Variants in SEMA4G observed in about 807,000 individuals in gnomAD.
SEMA4G encodes the protein semaphorin-4G.
In SEMA4G, 59 loss-of-function variants were observed where a neutral mutation model predicts 81.2. The ratio of observed to expected loss-of-function variants is 0.73; its 90% CI spans 0.59 to 0.90. The LOEUF is 0.90. SEMA4G is among the 40% of genes least tolerant of loss of function. SEMA4G has a pLI of 0.00. For missense variants in SEMA4G, 952 were observed against 1,102.3 expected, an observed-to-expected ratio of 0.86 and a Z score of 1.93; for synonymous variants, 404 against 433.9, an observed-to-expected ratio of 0.93 and a Z score of 0.86.
At position 100,983,849 on chromosome 10, in the gene SEMA4G, G is replaced by T. The variant is rs1414869947; in HGVS notation, c.2235G>T (p.Gly745=). The change falls in exon 14 of 14, where the codon GGG becomes GGT. Residue 745 remains glycine (G), a synonymous_variant. Coordinates refer to ENST00000370250, the Ensembl canonical transcript of SEMA4G. ...AGGAAGATGAGGGTGATGATGAGGG[G>T]GCTGGGGGCCTGGAGGGCAGCTGTC... is the stretch of plus-strand genomic sequence containing the variant. 5.0e-6 allele frequency: 8 copies of T among 1,591,268 alleles called. No homozygotes were observed. The South Asian group carries it at 5.7e-5, about 11-fold the overall frequency.
intron 13 of SEMA4G, chr10:100,981,610 C>G: frequency 2.5e-6 from 4 of 1,575,796 alleles, no homozygotes; most frequent in Non-Finnish European, 3.5e-6. Flanking sequence ...GTGCCAGACA[C>G]TGATCTAAAT....
exon 8 of SEMA4G, chr10:100,979,107 C>T (rs1170863177): frequency 6.2e-7 from 1 of 1,613,916 alleles, no homozygotes; most frequent in African/African-American, 1.3e-5. Flanking sequence ...CCCAGGGAGA[C>T]CTGGGAGGGA....
exon 11 of SEMA4G, chr10:100,980,632 A>G (rs962692236): frequency 1.2e-5 from 20 of 1,614,188 alleles, no homozygotes; most frequent in Non-Finnish European, 1.5e-5. Context: ...CACATTATTG[A>G]AGAGACACAA....
chr10:100,976,862 G>A (rs7918869), intron 3 of SEMA4G, among the ~76,000 whole-genome samples: 2,723 of 152,190 alleles, frequency 0.018, 80 homozygotes, highest in African/African-American at 0.059. Flanking sequence ...TTATAAAGTC[G>A]TTTTTATAAA....
exon 14 of SEMA4G, chr10:100,984,274 G>A: frequency 6.9e-7 from 1 of 1,440,638 alleles, no homozygotes; most frequent in Non-Finnish European, 9.1e-7. Context: ...TGTAGGGCTG[G>A]CCAGTCAGGC....
At chr10:100,979,851 G>A in exon 9 of SEMA4G, 3 of 1,613,594 alleles carry the variant, frequency 1.9e-6, no homozygotes, top group South Asian at 2.2e-5. Context: ...ATTCTAGGAA[G>A]ACCCTGGAGG....
exon 14 of SEMA4G, chr10:100,984,239 C>T: frequency 6.9e-7 from 1 of 1,459,792 alleles, no homozygotes; most frequent in East Asian, 2.4e-5. Context: ...CACTCCATAC[C>T]CTTCTCCCAA....
intron 3 of SEMA4G, among the ~76,000 whole-genome samples, chr10:100,974,127 C>T (rs1202244846): frequency 1.3e-5 from 2 of 151,940 alleles, no homozygotes; most frequent in Non-Finnish European, 2.9e-5. Flanking sequence ...TAGTTTGTCC[C>T]GCAGTGGCAT....
At chr10:100,977,685 C>T (rs748069351) in exon 4 of SEMA4G, 12 of 1,614,138 alleles carry the variant, frequency 7.4e-6, no homozygotes, top group Non-Finnish European at 1.0e-5. Flanking sequence ...CTACCCACCT[C>T]TATGCATGTG....
In SEMA4G at chr10:100,973,043, C is replaced by A. The variant is rs773809874; in HGVS notation, c.124+7C>A. ...ATGACCATACCCTATGAAGGTTAGA[C>A]CCTCAACCTCAAAAGGCAGCAGAAG... On this transcript the variant is annotated splice_region_variant and intron_variant, in intron 1 of 13. Transcript: ENST00000370250. This position sits in a 1 kb window ranked among gnomAD's most constrained non-coding sequence, Gnocchi z 5.5. 1.2e-6 allele frequency: 2 copies of A among 1,614,124 alleles called. No homozygotes were observed. Among genetic ancestry groups the A allele is most frequent in the Non-Finnish European group, 1.7e-6 (2 of 1,180,020 alleles).
chr10:100,978,793 G>A lies in SEMA4G; in HGVS notation c.644-56G>A. On this transcript the variant is annotated intron_variant, in intron 6 of 13. Coordinates refer to ENST00000370250, the Ensembl canonical transcript of SEMA4G. The stretch of plus-strand genomic sequence containing the variant: ...TCAAGTGAGGGGTCAGCCTCAGAGT[G>A]AGGGAAAGGAATCCCCAGCCTGTCT... 1.9e-6 allele frequency: 3 copies of A among 1,593,586 alleles called. No homozygotes were observed. The South Asian group carries it at 3.4e-5, about 18-fold the overall frequency.
At chr10:100,981,595 A>C in intron 13 of SEMA4G, 1 of 1,602,668 alleles carries the variant, frequency 6.2e-7, no homozygotes, top group Non-Finnish European at 8.5e-7. Flanking sequence ...TTAAGTATTT[A>C]CTGTGTGCCA....
exon 4 of SEMA4G, chr10:100,977,697 G>C (rs772327550): frequency 6.2e-5 from 100 of 1,613,962 alleles, no homozygotes; most frequent in Non-Finnish European, 8.1e-5. Context: ...ATGCATGTGG[G>C]ACTCACGCCT....
At chr10:100,984,184 T>G (rs1173041083) in exon 14 of SEMA4G, 67 of 1,548,338 alleles carry the variant, frequency 4.3e-5, no homozygotes, top group Non-Finnish European at 5.6e-5. Flanking sequence ...TGTCCCAGGC[T>G]GGGCCACTGC....
rs184499998 is a variant in SEMA4G at position 100,974,822 on chromosome 10, C to T, written c.336+1213C>T. Among the ~76,000 whole-genome samples, 57 of 152,214 alleles carry T rather than the reference C, an allele frequency of 3.7e-4. No homozygotes were observed. The East Asian group carries it at 8.7e-3, about 23-fold the overall frequency. Reference sequence around the variant, plus strand: ...ATCTGGAGAGCTTTTACAAAATAAACGGCCCTGGGCTGGGCATGGTGGGTC... The same window carrying T: ...ATCTGGAGAGCTTTTACAAAATAAATGGCCCTGGGCTGGGCATGGTGGGTC... On this transcript the variant is annotated intron_variant, in intron 3 of 13. Transcript: ENST00000370250.
rs749756476 is a variant in SEMA4G, at chr10:100,981,230, G to A, written c.1690+1G>A. 1 of 1,614,124 alleles carries A rather than the reference G, an allele frequency of 6.2e-7. No homozygotes were observed. Among genetic ancestry groups the A allele is most frequent in the Non-Finnish European group, 8.5e-7 (1 of 1,179,942 alleles). ...GGCTGTGAGAGCAGCAGGGATACAGGTAAGTGACTCATATGAGTGTGGGTC... is the reference window on the plus strand; with the variant it reads ...GGCTGTGAGAGCAGCAGGGATACAGATAAGTGACTCATATGAGTGTGGGTC... On this transcript the variant is annotated splice_donor_variant, in intron 13 of 13. Coordinates refer to ENST00000370250, the Ensembl canonical transcript of SEMA4G. LOFTEE classifies it high-confidence loss of function.
intron 3 of SEMA4G, among the ~76,000 whole-genome samples, chr10:100,975,745 G>T (rs533625616): frequency 6.6e-6 from 1 of 152,112 alleles, no homozygotes; most frequent in African/African-American, 2.4e-5. Flanking sequence ...GCGAGTAGTA[G>T]TCCCAGTCAC....
intron 3 of SEMA4G, among the ~76,000 whole-genome samples, chr10:100,977,268 G>A (rs1272485584): frequency 1.3e-5 from 2 of 152,194 alleles, no homozygotes; most frequent in East Asian, 3.8e-4. Flanking sequence ...GAGGGCAGGA[G>A]TTCCAAGAAT....
intron 6 of SEMA4G, 27 bp downstream of exon 7, chr10:100,978,667 G>A (rs889027822): frequency 6.3e-7 from 1 of 1,593,634 alleles, no homozygotes. Context: ...ACAGGATGAT[G>A]GGGGGTAGGG....
Sources: allele counts gnomAD v4.1 joint callset (sites outside exome capture counted in the v4.1 genomes callset), GRCh38; gene constraint gnomAD v4.1.1; non-coding constraint Gnocchi (gnomAD v3.1); transcripts MANE v1.5; gene names NCBI Gene and HGNC (gene_info 2026-07-23, HGNC 2026-07-21).